The following INPP5A variants were observed in gnomAD, a reference collection of about 807,000 sequenced individuals.
The protein encoded by INPP5A is 43 kDa inositol polyphosphate 5-phophatase.
In INPP5A, 14 loss-of-function variants were observed where a neutral mutation model predicts 65.2. The ratio of observed to expected loss-of-function variants is 0.21; its 90% CI spans 0.14 to 0.34. INPP5A has a LOEUF of 0.34. INPP5A is among the 10% of genes least tolerant of loss of function. INPP5A has a pLI of 1.00. For synonymous variants in INPP5A, 207 were observed against 208.3 expected (o/e 0.99, Z 0.05); for missense variants, 431 against 545.6 (o/e 0.79, Z 2.09).
chr10:132,689,544 C>T (rs1418469537), intron 4 of INPP5A, among the ~76,000 whole-genome samples: 2 of 152,200 alleles, frequency 1.3e-5, no homozygotes, highest in African/African-American at 4.8e-5. Flanking sequence ...GCAACCACTG[C>T]AAACCAGTGT....
intron 4 of INPP5A, among the ~76,000 whole-genome samples, chr10:132,656,482 G>C (rs529901364): frequency 6.6e-6 from 1 of 152,160 alleles, no homozygotes; most frequent in Non-Finnish European, 1.5e-5. Context: ...CCTGCTCCTC[G>C]GAGGGTCCCC....
intron 8 of INPP5A, among the ~76,000 whole-genome samples, chr10:132,722,986 G>C (rs1173813297): frequency 6.6e-6 from 1 of 152,204 alleles, no homozygotes; most frequent in Admixed American, 6.5e-5. Flanking sequence ...GCACTCAGGT[G>C]ATTGCCTCGG....
intron 2 of INPP5A, among the ~76,000 whole-genome samples, chr10:132,631,841 A>G (rs2072279194): frequency 6.6e-6 from 1 of 152,212 alleles, no homozygotes; most frequent in Non-Finnish European, 1.5e-5. Context: ...AAAACAACCC[A>G]TGTGGTTTTA....
At chr10:132,717,283 A>G (rs1470579245) in intron 8 of INPP5A, among the ~76,000 whole-genome samples, 2 of 145,262 alleles carry the variant, frequency 1.4e-5, no homozygotes, top group Non-Finnish European at 2.9e-5. Context: ...GCTGGCCCCT[A>G]AAGGGTTGGG....
chr10:132,694,978 TTC>T (rs1416299869), intron 5 of INPP5A, among the ~76,000 whole-genome samples: 25 of 152,322 alleles, frequency 1.6e-4, no homozygotes, highest in African/African-American at 5.8e-4. Context: ...GTTATACCAG[TTC>T]TCTACAATCT....
intron 2 of INPP5A, among the ~76,000 whole-genome samples, chr10:132,638,938 T>C (rs1023036866): frequency 2.6e-5 from 4 of 152,216 alleles, no homozygotes; most frequent in Non-Finnish European, 5.9e-5. Context: ...GTTACATATA[T>C]ATATGACATA....
At chr10:132,748,431 T>C (rs1846411487) in intron 9 of INPP5A, among the ~76,000 whole-genome samples, 2 of 152,208 alleles carry the variant, frequency 1.3e-5, no homozygotes, top group African/African-American at 4.8e-5. Flanking sequence ...TCGGTGAGGT[T>C]CTAGGCATTC....
At chr10:132,593,335 G>A (rs2819714) in intron 1 of INPP5A, among the ~76,000 whole-genome samples, 38,058 of 152,074 alleles carry the variant, frequency 0.25, 5,535 homozygotes, top group East Asian at 0.5. Flanking sequence ...GGCCTGCTGG[G>A]ATCCTGCATT....
In INPP5A at chr10:132,587,630, A is replaced by G. The variant is rs963480410; in HGVS notation, c.76-20285A>G. ...TGTATGCCGTGCTCAGAAGCTAGCC[A>G]GAGGATTCCGTTCAGAAACGGGGCC... On this transcript the variant is annotated intron_variant, in intron 1 of 15. Coordinates refer to ENST00000368594, the MANE Select transcript of INPP5A (RefSeq NM_005539.5). The surrounding 1 kb of genome is among the most constrained non-coding windows in gnomAD (Gnocchi z 4.3). Among the ~76,000 whole-genome samples, 2 of 152,210 alleles carry G rather than the reference A, an allele frequency of 1.3e-5. No homozygotes were observed. The highest frequency in any genetic ancestry group is 4.8e-5 in the African/African-American group (2 of 41,452).
At chr10:132,670,230 C>T (rs1323813987) in intron 4 of INPP5A, among the ~76,000 whole-genome samples, 2 of 101,072 alleles carry the variant, frequency 2.0e-5, no homozygotes, top group South Asian at 4.5e-4. Flanking sequence ...CCTGACCCTA[C>T]ACCCCCTGAC....
intron 2 of INPP5A, among the ~76,000 whole-genome samples, chr10:132,625,204 C>G (rs1308924991): frequency 6.7e-6 from 1 of 150,028 alleles, no homozygotes; most frequent in East Asian, 2.0e-4. Flanking sequence ...CTCCCTCTGA[C>G]GGCACCTCTG....
intron 1 of INPP5A, among the ~76,000 whole-genome samples, chr10:132,539,050 C>T (rs1309642583): frequency 1.3e-5 from 2 of 152,168 alleles, no homozygotes; most frequent in Non-Finnish European, 2.9e-5. Flanking sequence ...TAGATCCCAT[C>T]CTTGGCCCCT....
At chr10:132,770,090 G>A (rs1347951848) in intron 12 of INPP5A, among the ~76,000 whole-genome samples, 6 of 152,140 alleles carry the variant, frequency 3.9e-5, no homozygotes, top group South Asian at 4.1e-4. Context: ...CGAGGGCGGC[G>A]CCTCTGGAAC....
At chr10:132,572,905 G>T (rs72854980) in intron 1 of INPP5A, among the ~76,000 whole-genome samples, 1 of 152,040 alleles carries the variant, frequency 6.6e-6, no homozygotes, top group Admixed American at 6.6e-5. Context: ...ACATCAGCTC[G>T]GTTTATTTCA....
At chr10:132,737,217 A>C (rs1252616633) in intron 9 of INPP5A, among the ~76,000 whole-genome samples, 1 of 152,228 alleles carries the variant, frequency 6.6e-6, no homozygotes, top group East Asian at 1.9e-4. Context: ...CGATGTGGCA[A>C]CATGGGCACA....
chr10:132,660,407 T>C (rs1338390079), intron 4 of INPP5A, among the ~76,000 whole-genome samples: 1 of 152,088 alleles, frequency 6.6e-6, no homozygotes, highest in Non-Finnish European at 1.5e-5. Flanking sequence ...CTTGCAGAAC[T>C]CGTGTGTGTG....
intron 9 of INPP5A, among the ~76,000 whole-genome samples, chr10:132,728,220 G>A (rs1376339844): frequency 6.6e-6 from 1 of 152,258 alleles, no homozygotes; most frequent in Non-Finnish European, 1.5e-5. Context: ...GCCTCTGCGT[G>A]TGGTGGGCTG....
chr10:132,760,436 C>G (rs1363728667), intron 11 of INPP5A, among the ~76,000 whole-genome samples: 1 of 152,262 alleles, frequency 6.6e-6, no homozygotes, highest in Non-Finnish European at 1.5e-5. Context: ...GTGAGCAGAG[C>G]CCTCATTGCA....
chr10:132,675,384 A>T lies in INPP5A; in HGVS notation c.307-15008A>T, dbSNP rs1302455905. On this transcript the variant is annotated intron_variant, in intron 4 of 15. Coordinates refer to ENST00000368594, the MANE Select transcript of INPP5A (RefSeq NM_005539.5). The surrounding 1 kb of genome is among the most constrained non-coding windows in gnomAD (Gnocchi z 4.2). ...AGTAAGTACTAACGGATGTTCTTCAAGCGGAGAGAAAATGATCTCATATGA... is the reference window on the plus strand; with the variant it reads ...AGTAAGTACTAACGGATGTTCTTCATGCGGAGAGAAAATGATCTCATATGA... 2.6e-5 allele frequency among the ~76,000 whole-genome samples: 4 copies of T among 152,250 alleles called. No individual in the cohort carries two copies. The highest frequency in any genetic ancestry group is 9.6e-5 in the African/African-American group (4 of 41,470).
Sources: allele counts gnomAD v4.1 joint callset (sites outside exome capture counted in the v4.1 genomes callset), GRCh38; gene constraint gnomAD v4.1.1; non-coding constraint Gnocchi (gnomAD v3.1); transcripts MANE v1.5; gene names NCBI Gene and HGNC (gene_info 2026-07-23, HGNC 2026-07-21).